Variants in HPS4 observed in about 807,000 individuals in gnomAD.
HPS4 encodes HPS4 biogenesis of lysosomal organelles complex 3 subunit 2, also known as BLOC-3 complex member HPS4.
Under a neutral mutation model 70.3 loss-of-function variants are expected in HPS4, and 44 were observed. That is an observed-to-expected ratio of 0.63 (90% CI 0.49 to 0.80). HPS4 has a LOEUF of 0.80. HPS4 is among the 30% of genes least tolerant of loss of function. The pLI, the probability that HPS4 is intolerant of heterozygous loss-of-function variation, is 0.00. For synonymous variants in HPS4, 377 were observed against 355.9 expected (o/e 1.06, Z -0.67); for missense variants, 873 against 884.4 (o/e 0.99, Z 0.16).
At chr22:26,458,341 T>A in intron 12 of HPS4, 104 bp downstream of exon 12, 10 of 1,441,246 alleles carry the variant, frequency 6.9e-6, no homozygotes, top group Non-Finnish European at 4.9e-6. Context: ...GTCAGACAAC[T>A]CTGTGCACAG....
chr22:26,458,985 G>C (rs2086734072), intron 11 of HPS4, among the ~76,000 whole-genome samples: 1 of 152,080 alleles, frequency 6.6e-6, no homozygotes, highest in Non-Finnish European at 1.5e-5. Flanking sequence ...AAAATAACAA[G>C]AAAACAACCC....
intron 3 of HPS4, among the ~76,000 whole-genome samples, chr22:26,477,730 G>T (rs2090749694): frequency 6.6e-6 from 1 of 152,106 alleles, no homozygotes; most frequent in South Asian, 2.1e-4. Flanking sequence ...CAAGACTCTA[G>T]ATCTTACTAC....
chr22:26,481,646 G>T, intron 2 of HPS4, 76 bp downstream of exon 2: 1 of 1,326,050 alleles, frequency 7.5e-7, no homozygotes, highest in Non-Finnish European at 1.1e-6. Flanking sequence ...CAATCTGGCT[G>T]GGGATTTTCA....
intron 4 of HPS4, among the ~76,000 whole-genome samples, chr22:26,474,099 A>C (rs1407751588): frequency 6.6e-6 from 1 of 152,240 alleles, no homozygotes; most frequent in Non-Finnish European, 1.5e-5. Flanking sequence ...GTACAATGAA[A>C]ACACAAAGAA....
In HPS4 at chr22:26,481,968, TC is replaced by T; in HGVS notation, c.-207del. 1 of 601,746 alleles carries T rather than the reference TC, an allele frequency of 1.7e-6. No individual in the cohort carries two copies. Among genetic ancestry groups the T allele is most frequent in the East Asian group, 2.9e-5 (1 of 34,354 alleles). 37.3% of individuals were successfully genotyped at this position (601,746 alleles called of 1,614,324 possible). A position where few individuals can be genotyped will look rare whatever the true frequency, so the allele number is the denominator to read the frequency against. On this transcript the variant is annotated 5_prime_UTR_variant, in exon 2 of 14. It removes an upstream start codon present in the reference 5' UTR. Coordinates refer to ENST00000398145, the MANE Select transcript of HPS4 (RefSeq NM_022081.6). ...TCCCTTCCTTGCAGGTTCTTCAGTT[TC>T]ATGTATATTTCCATGCCTCTTACAA...
Position 26,465,546 on chromosome 22 carries a change from C to A in HPS4, c.712G>T (p.Ala238Ser). The change falls in exon 10 of 14, where the codon GCA (alanine) becomes TCA (serine). Residue 238 changes from alanine to serine, a missense_variant. Coordinates refer to ENST00000398145, the MANE Select transcript of HPS4 (RefSeq NM_022081.6). Reference sequence around the variant, plus strand: ...ATAATCTGGACATTCGGGGGCAATGCCGCTCCTGGAATTGCAAAGCAATAT... The same window carrying A: ...ATAATCTGGACATTCGGGGGCAATGACGCTCCTGGAATTGCAAAGCAATAT... The part of the protein sequence containing the change: ...GEDAPQEHGA[A>S]LPPNVQIIPV... The A allele has an allele frequency of 6.2e-7, 1 of 1,613,658 alleles. No homozygotes were observed.
At chr22:26,447,709 T>C (rs997033416), downstream of HPS4, among the ~76,000 whole-genome samples, 1 of 152,136 alleles carries the variant, frequency 6.6e-6, no homozygotes. Context: ...TAAGGCCACA[T>C]ATTTTAGAAC....
chr22:26,477,180 G>T, intron 3 of HPS4, 44 bp from the exon 4 acceptor site: 2 of 1,609,596 alleles, frequency 1.2e-6, no homozygotes, highest in South Asian at 2.2e-5. Flanking sequence ...TGAAATTCTT[G>T]AACTCTTAAG....
At chr22:26,465,138 T>C (rs879935755) in intron 10 of HPS4, among the ~76,000 whole-genome samples, 2 of 152,174 alleles carry the variant, frequency 1.3e-5, no homozygotes, top group Non-Finnish European at 2.9e-5. Flanking sequence ...TTTTCAAGTG[T>C]CACAATGAAC....
intron 8 of HPS4, 46 bp from the exon 9 acceptor site, chr22:26,466,308 C>A: frequency 6.2e-7 from 1 of 1,604,008 alleles, no homozygotes; most frequent in South Asian, 1.1e-5. Context: ...ACCACATTCT[C>A]CTCTTGACCT....
chr22:26,455,588 G>T lies in HPS4; in HGVS notation c.1956-2184C>A, dbSNP rs577967019. Among the ~76,000 whole-genome samples the T allele has an allele frequency of 3.1e-5, 3 of 98,106 alleles. No homozygotes were observed. In the East Asian group the frequency reaches 1.2e-3, roughly 39 times the overall value. The allele number at this position is 98,106 out of a possible 152,430, so 64.4% of individuals were successfully genotyped here. On this transcript the variant is annotated intron_variant, in intron 13 of 13. Transcript: ENST00000398145. Reference sequence around the variant, plus strand: ...CACACACTGGGGCCTGTTGTAGGGTGGGGGGAGGGGGGAGGGATAGCATTA... The same window carrying T: ...CACACACTGGGGCCTGTTGTAGGGTTGGGGGAGGGGGGAGGGATAGCATTA...
chr22:26,449,930 G>A (rs374423981), downstream of HPS4, among the ~76,000 whole-genome samples: 4 of 152,100 alleles, frequency 2.6e-5, no homozygotes, highest in Admixed American at 6.5e-5. Flanking sequence ...CAGTCCCTCC[G>A]CACACTCTAG....
intron 10 of HPS4, 134 bp from the exon 11 acceptor site, chr22:26,464,960 A>G: frequency 6.6e-6 from 5 of 756,102 alleles, no homozygotes; most frequent in Non-Finnish European, 1.0e-5. Flanking sequence ...AGAGGCCACC[A>G]GAGTTAAATC....
intron 10 of HPS4, 29 bp from the exon 11 acceptor site, chr22:26,464,855 G>GGC (rs1227741316): frequency 6.4e-7 from 1 of 1,569,942 alleles, no homozygotes; most frequent in Non-Finnish European, 8.6e-7. Context: ...GTAAGGAAGG[G>GGC]GCACGTTGAC....
chr22:26,469,383 G>A (rs1046462397), intron 7 of HPS4, among the ~76,000 whole-genome samples: 1 of 151,920 alleles, frequency 6.6e-6, no homozygotes, highest in Non-Finnish European at 1.5e-5. Context: ...AAGAGGTCGA[G>A]GCTGTAGTAA....
intron 2 of HPS4, 28 bp from the exon 3 acceptor site, chr22:26,479,383 T>C (rs1204685831): frequency 6.2e-7 from 1 of 1,612,126 alleles, no homozygotes; most frequent in Non-Finnish European, 8.5e-7. Context: ...TGGAGCCATG[T>C]TTCCTTTAAT....
In HPS4 at chr22:26,464,084, G is replaced by A. The variant is rs372833027; in HGVS notation, c.1546C>T (p.Gln516Ter). 2.0e-5 allele frequency: 32 copies of A among 1,614,290 alleles called. No homozygotes were observed. Among genetic ancestry groups the A allele is most frequent in the Non-Finnish European group, 2.4e-5 (28 of 1,180,054 alleles). The change falls in exon 11 of 14, where the codon CAG becomes TAG. Residue 516 changes from glutamine to a stop codon, truncating the protein, a stop_gained. Coordinates refer to ENST00000398145, the MANE Select transcript of HPS4 (RefSeq NM_022081.6). LOFTEE classifies it high-confidence loss of function. ...LECSSGSANC[Q>*]GAGPSADGIS... ...CCATCTGCAGAGGGGCCAGCACCCT[G>A]ACAGTTTGCTGAGCCTGAACTGCAT...
downstream of HPS4, among the ~76,000 whole-genome samples, chr22:26,449,127 G>A (rs913321160): frequency 2.0e-5 from 3 of 152,008 alleles, no homozygotes; most frequent in East Asian, 5.8e-4. Context: ...CTCCACTGGG[G>A]CTGTCCCTCC....
At chr22:26,444,790 T>C (rs2084899311) in intron 3 of HPS4, 1 of 152,214 alleles carries the variant, frequency 6.6e-6, no homozygotes, top group African/African-American at 2.4e-5. Context: ...ACACAGATAT[T>C]TGTCAGTGAT....
Sources: gnomAD v4.1 joint callset for allele counts (sites outside exome capture counted in the v4.1 genomes callset) on GRCh38, gnomAD v4.1.1 for gene constraint, MANE v1.5 for transcripts, NCBI Gene and HGNC (gene_info 2026-07-23, HGNC 2026-07-21) for gene names.